WHRN: variants seen among roughly 807,000 people sequenced by gnomAD.
The protein encoded by WHRN is CASK-interacting protein CIP98.
In WHRN, 41 loss-of-function variants were observed where a neutral mutation model predicts 68.3. The ratio of observed to expected loss-of-function variants is 0.60; its 90% confidence interval spans 0.47 to 0.78. The LOEUF (loss-of-function observed/expected upper bound fraction) is 0.78. Ranked by LOEUF, WHRN falls within the 30% of genes least tolerant of loss-of-function variation. The pLI is 0.00. For missense variants in WHRN, 1,243 were observed against 1,244.7 expected (o/e 1.00, Z 0.02); for synonymous variants, 560 against 561.3 (o/e 1.00, Z 0.03).
rs779112096 is a variant in WHRN at position 114,478,700 on chromosome 9, G to A, written c.690C>T (p.Thr230=). 15 of 1,612,716 alleles carry A rather than the reference G, an allele frequency of 9.3e-6. No homozygotes were observed. Among genetic ancestry groups the A allele is most frequent in the African/African-American group, 1.3e-5 (1 of 74,924 alleles). The change falls in exon 2 of 12, where the codon ACC becomes ACT. Residue 230 remains threonine (T), a synonymous_variant. Coordinates refer to ENST00000362057, the MANE Select transcript of WHRN (RefSeq NM_015404.4). ...SAGRIPGGYV[T]NHIYTWVDPQ... ...GGTCCACCCAGGTGTAGATGTGGTT[G>A]GTGACGTAGCCCCCAGGGATGCGCC...
intron 1 of WHRN, among the ~76,000 whole-genome samples, chr9:114,495,303 G>A (rs181496721): frequency 6.6e-6 from 1 of 152,332 alleles, no homozygotes; most frequent in Non-Finnish European, 1.5e-5. Flanking sequence ...TCAGACCGGT[G>A]GGCAGACGAG....
At position 114,423,665 on chromosome 9, in the gene WHRN, A is replaced by C. The variant is rs1001141429; in HGVS notation, c.1417-142T>G. The C allele has an allele frequency of 9.0e-6, 7 of 777,942 alleles. No individual in the cohort carries two copies. In the African/African-American group the frequency reaches 1.2e-4, roughly 14 times the overall value. 48.2% of individuals were successfully genotyped at this position (777,942 alleles called of 1,614,324 possible). ...TGTCTGGCTCCCCAGTGCTCTCAAG[A>C]GAAAGGCCAAACACCGTCACCTGGA... On this transcript the variant is annotated intron_variant, in intron 6 of 11. Transcript: ENST00000362057.
At chr9:114,418,080 C>T (rs556746883) in intron 7 of WHRN, among the ~76,000 whole-genome samples, 18 of 152,272 alleles carry the variant, frequency 1.2e-4, no homozygotes, top group African/African-American at 4.1e-4. Flanking sequence ...AGGGCTTCCA[C>T]GTGGAGGAGG....
At chr9:114,474,758 C>A (rs1440187975) in intron 2 of WHRN, among the ~76,000 whole-genome samples, 2 of 152,160 alleles carry the variant, frequency 1.3e-5, no homozygotes, top group African/African-American at 4.8e-5. Context: ...CAGAACAAGT[C>A]CTGTGCCACA....
chr9:114,442,052 C>A (rs1282246060), intron 3 of WHRN, among the ~76,000 whole-genome samples: 1 of 152,124 alleles, frequency 6.6e-6, no homozygotes, highest in East Asian at 1.9e-4. Flanking sequence ...ATCATAGCAA[C>A]CATCAGATAT....
intron 3 of WHRN, among the ~76,000 whole-genome samples, chr9:114,463,050 C>A (rs578214988): frequency 6.6e-6 from 1 of 152,206 alleles, no homozygotes; most frequent in Non-Finnish European, 1.5e-5. Flanking sequence ...AACAACGTTA[C>A]GTAAGCTGTT....
chr9:114,501,584 A>ACG (rs1177887192), intron 1 of WHRN, among the ~76,000 whole-genome samples: 2 of 151,434 alleles, frequency 1.3e-5, no homozygotes, highest in Admixed American at 6.6e-5. Context: ...ACACACACAC[A>ACG]CACTGAATCT....
In WHRN at chr9:114,406,039, G is replaced by A. The variant is rs925928565; in HGVS notation, c.2236+316C>T. The stretch of plus-strand genomic sequence containing the variant: ...TGCCCTCCACGAGTTCAGTCCTCCT[G>A]GTGAACACAGGGTGGCCAGGGTAGG... On this transcript the variant is annotated intron_variant, in intron 9 of 11. Coordinates refer to ENST00000362057, the MANE Select transcript of WHRN (RefSeq NM_015404.4). Among the ~76,000 whole-genome samples the A allele has an allele frequency of 3.3e-5, 5 of 152,346 alleles. No individual in the cohort carries two copies. The South Asian group carries it at 1.0e-3, about 32-fold the overall frequency.
intron 2 of WHRN, among the ~76,000 whole-genome samples, chr9:114,475,702 G>T (rs1049784602): frequency 3.3e-5 from 5 of 152,100 alleles, no homozygotes; most frequent in African/African-American, 1.2e-4. Context: ...CAGGCTGCTG[G>T]AGAGAAGAGA....
intron 1 of WHRN, among the ~76,000 whole-genome samples, chr9:114,488,157 T>C (rs1273742128): frequency 6.6e-6 from 1 of 152,200 alleles, no homozygotes; most frequent in Non-Finnish European, 1.5e-5. Context: ...ACAAGTTACT[T>C]AACTTCTCTG....
At chr9:114,503,277 A>G in intron 1 of WHRN, 1 of 821,692 alleles carries the variant, frequency 1.2e-6, no homozygotes, top group Non-Finnish European at 1.5e-6. Flanking sequence ...TCTCTGCAGA[A>G]GCAGAGCATG....
At chr9:114,495,827 G>A (rs1407080416) in intron 1 of WHRN, among the ~76,000 whole-genome samples, 1 of 152,124 alleles carries the variant, frequency 6.6e-6, no homozygotes, top group Non-Finnish European at 1.5e-5. Context: ...AAAGGAAAAG[G>A]GTACACTGGG....
intron 3 of WHRN, 132 bp from the exon 4 acceptor site, chr9:114,426,545 G>T: frequency 1.0e-6 from 1 of 1,004,938 alleles, no homozygotes. Flanking sequence ...GAGAGGATGT[G>T]AGGATGCCTG....
At chr9:114,447,765 T>G (rs1838961611) in intron 3 of WHRN, among the ~76,000 whole-genome samples, 2 of 15,718 alleles carry the variant, frequency 1.3e-4, no homozygotes, top group Non-Finnish European at 4.5e-4. Context: ...ACACTTTCTC[T>G]CTCTCTCTTT....
chr9:114,504,428 G>T lies in WHRN; in HGVS notation c.374C>A (p.Pro125His). The T allele has an allele frequency of 6.2e-7, 1 of 1,606,804 alleles. No homozygotes were observed. Among genetic ancestry groups the T allele is most frequent in the South Asian group, 1.1e-5 (1 of 91,062 alleles). Residue 125 changes from proline (P) to histidine (H), a missense_variant, in exon 1 of 12, where the codon CCC becomes CAC. Physicochemically the swap from Pro to His is moderately conservative, Grantham distance 77. Coordinates refer to ENST00000362057, the MANE Select transcript of WHRN (RefSeq NM_015404.4). ...YLPATTPYRQPAWGGPDSAGP... is the reference protein window; with the variant it reads ...YLPATTPYRQHAWGGPDSAGP... ...CGCGCTGTCGGGGCCGCCCCAGGCG[G>T]GCTGCCTGTAGGGGGTGGTGGCGGG...
At chr9:114,493,440 T>C (rs1843177101) in intron 1 of WHRN, among the ~76,000 whole-genome samples, 1 of 152,106 alleles carries the variant, frequency 6.6e-6, no homozygotes, top group Admixed American at 6.5e-5. Context: ...CTATTCCATT[T>C]GTTTCCTATG....
chr9:114,493,909 T>C (rs1490922404), intron 1 of WHRN, among the ~76,000 whole-genome samples: 1 of 152,242 alleles, frequency 6.6e-6, no homozygotes, highest in African/African-American at 2.4e-5. Flanking sequence ...ACTCCTGCTC[T>C]TGCCAGCACC....
intron 1 of WHRN, among the ~76,000 whole-genome samples, chr9:114,495,687 A>G (rs1442333431): frequency 1.3e-5 from 2 of 152,260 alleles, no homozygotes; most frequent in African/African-American, 2.4e-5. Context: ...CCTGAGAAGC[A>G]GACTTAAAAA....
rs1263709946 is a variant in WHRN, at chr9:114,493,713, GAAAAAGGAAAAAAAC to G, written c.618+10456_618+10470del. 6.6e-5 allele frequency among the ~76,000 whole-genome samples: 10 copies of G among 152,064 alleles called. 1 individual carries two copies. The South Asian group carries it at 1.2e-3, about 19-fold the overall frequency. On this transcript the variant is annotated intron_variant, in intron 1 of 11. Coordinates refer to ENST00000362057, the MANE Select transcript of WHRN (RefSeq NM_015404.4). ...GCATGGTGAGAGAGATAAGAGAGAG[GAAAAAGGAAAAAAAC>G]AAAAAGGAAAAAGTGCCCAATGCCA... is the stretch of plus-strand genomic sequence containing the variant.
Sources: allele counts gnomAD v4.1 joint callset (sites outside exome capture counted in the v4.1 genomes callset), GRCh38; gene constraint gnomAD v4.1.1; transcripts MANE v1.5; gene names NCBI Gene and HGNC (gene_info 2026-07-23, HGNC 2026-07-21).